Variants in MEI4 observed in about 807,000 individuals in gnomAD.
The protein encoded by MEI4 is meiotic double-stranded break formation protein 4, also known as meiosis-specific protein MEI4.
A neutral mutation model predicts 31.4 loss-of-function variants in MEI4; 27 were observed. The observed-to-expected ratio is 0.86, with a 90% confidence interval of 0.63 to 1.19. The LOEUF (loss-of-function observed/expected upper bound fraction) is 1.19. Ranked by LOEUF, MEI4 falls within the 50% of genes most tolerant of loss-of-function variation. MEI4 has a pLI of 0.00. For missense variants in MEI4, 329 were observed against 398.9 expected (o/e 0.82, Z 1.49); for synonymous variants, 122 against 145.4 (o/e 0.84, Z 1.16).
intron 4 of MEI4, among the ~76,000 whole-genome samples, chr6:77,857,412 C>G (rs1770771680): frequency 6.6e-6 from 1 of 152,126 alleles, no homozygotes; most frequent in Non-Finnish European, 1.5e-5. Flanking sequence ...ATTTCTGTTG[C>G]TTTGATAAAA....
chr6:77,852,545 G>C (rs75899100), intron 4 of MEI4, among the ~76,000 whole-genome samples: 1 of 148,982 alleles, frequency 6.7e-6, no homozygotes, highest in African/African-American at 2.5e-5. Context: ...TTATTTTTTT[G>C]CTTTTTTACT....
At chr6:77,745,952 C>G (rs1004325614) in intron 2 of MEI4, among the ~76,000 whole-genome samples, 3 of 152,132 alleles carry the variant, frequency 2.0e-5, no homozygotes, top group African/African-American at 7.2e-5. Context: ...ACCAGAATCT[C>G]TGGGACACAT....
chr6:77,911,544 A>G (rs1766435038), intron 4 of MEI4, among the ~76,000 whole-genome samples: 1 of 151,738 alleles, frequency 6.6e-6, no homozygotes, highest in African/African-American at 2.4e-5. Context: ...TTCCACTTAT[A>G]TGTGAAAATG....
Position 77,923,307 on chromosome 6 carries a change from T to C in MEI4, c.1119T>C (p.Ile373=). ...LFTFYLWRVG[I]LLSSAQIETL... is the part of the protein sequence containing the mutation. The stretch of plus-strand genomic sequence containing the variant: ...CTTTTTATTTATGGAGAGTGGGCAT[T>C]CTTTTGAGCTCAGCACAGATAGAAA... Residue 373 remains isoleucine (I), a synonymous_variant, in exon 5 of 5, where the codon ATT becomes ATC. Transcript: ENST00000684080. 3 of 1,230,136 alleles carry C rather than the reference T, an allele frequency of 2.4e-6. No homozygotes were observed. Among genetic ancestry groups the C allele is most frequent in the Non-Finnish European group, 1.0e-6 (1 of 986,584 alleles). 76.2% of individuals were successfully genotyped at this position (1,230,136 alleles called of 1,614,324 possible). A position where few individuals can be genotyped will look rare whatever the true frequency, so the allele number is the denominator to read the frequency against.
intron 4 of MEI4, among the ~76,000 whole-genome samples, chr6:77,909,990 C>T (rs1251556816): frequency 6.6e-6 from 1 of 152,036 alleles, no homozygotes; most frequent in Non-Finnish European, 1.5e-5. Context: ...CAGAAAAGGC[C>T]TTTGACAAAA....
rs1485311806 is a variant in MEI4, at chr6:77,849,756, G to A, written c.900+20694G>A. On this transcript the variant is annotated intron_variant, in intron 4 of 4. Transcript: ENST00000684080. ...CCTGGAATGCCAAAGTAGCAACTTA[G>A]TGTGATTCTCTGTAATGGTACTCAA... Among the ~76,000 whole-genome samples the A allele has an allele frequency of 4.6e-5, 7 of 152,120 alleles. No individual in the cohort carries two copies. The East Asian group carries it at 1.2e-3, about 25-fold the overall frequency.
At chr6:77,810,194 G>GTTA (rs1769542249) in intron 3 of MEI4, among the ~76,000 whole-genome samples, 1 of 152,132 alleles carries the variant, frequency 6.6e-6, no homozygotes, top group African/African-American at 2.4e-5. Flanking sequence ...TGACAAGATA[G>GTTA]TTTTAATGAG....
intron 1 of MEI4, among the ~76,000 whole-genome samples, chr6:77,663,580 A>G (rs1391265480): frequency 6.6e-6 from 1 of 152,114 alleles, no homozygotes; most frequent in Non-Finnish European, 1.5e-5. Flanking sequence ...TTAAAAGAGT[A>G]TTGTCTAAGT....
At chr6:77,716,734 G>T (rs939646536) in intron 2 of MEI4, 6 of 221,546 alleles carry the variant, frequency 2.7e-5, no homozygotes, top group Non-Finnish European at 3.8e-5. Context: ...CAAGTGAAGA[G>T]AATGTATATT....
At chr6:77,673,321 T>A (rs2127646428) in intron 1 of MEI4, among the ~76,000 whole-genome samples, 1 of 152,362 alleles carries the variant, frequency 6.6e-6, no homozygotes, top group South Asian at 2.1e-4. Flanking sequence ...GTGTGCCAGG[T>A]ATTATCATAA....
intron 3 of MEI4, among the ~76,000 whole-genome samples, chr6:77,801,459 T>G (rs1002978107): frequency 1.3e-5 from 2 of 152,218 alleles, no homozygotes; most frequent in Admixed American, 1.3e-4. Flanking sequence ...CATTGATTTT[T>G]TGAAGGGTTT....
Position 77,889,529 on chromosome 6 carries a change from A to G in MEI4, c.901-33560A>G, listed in dbSNP as rs115463781. On this transcript the variant is annotated intron_variant, in intron 4 of 4. Transcript: ENST00000684080. ...AGCAGCAAATCATTCAAGAGGTGACAGAGTATAAAAGTTTAGAAAATTTGC... is the reference window on the plus strand; with the variant it reads ...AGCAGCAAATCATTCAAGAGGTGACGGAGTATAAAAGTTTAGAAAATTTGC... 3.2e-3 allele frequency among the ~76,000 whole-genome samples: 486 copies of G among 152,306 alleles called. 2 individuals carry two copies. The highest frequency in any genetic ancestry group is 0.011 in the African/African-American group (467 of 41,572).
chr6:77,704,697 T>G (rs572382602), intron 2 of MEI4, among the ~76,000 whole-genome samples: 1 of 152,194 alleles, frequency 6.6e-6, no homozygotes, highest in Non-Finnish European at 1.5e-5. Flanking sequence ...ATCACTGGTT[T>G]AAACAAAAGT....
chr6:77,902,478 G>T (rs1011529422), intron 4 of MEI4, among the ~76,000 whole-genome samples: 7 of 152,020 alleles, frequency 4.6e-5, no homozygotes, highest in Non-Finnish European at 1.0e-4. Context: ...ATTGTGAATG[G>T]AATTATTCTC....
At chr6:77,823,226 G>A (rs1405408581) in intron 3 of MEI4, among the ~76,000 whole-genome samples, 2 of 151,866 alleles carry the variant, frequency 1.3e-5, no homozygotes, top group African/African-American at 2.4e-5. Flanking sequence ...TATTTTTATA[G>A]TATATATATA....
intron 2 of MEI4, among the ~76,000 whole-genome samples, chr6:77,729,129 G>A (rs1257399381): frequency 6.6e-6 from 1 of 152,192 alleles, no homozygotes; most frequent in East Asian, 1.9e-4. Context: ...AGAGGAAGTA[G>A]GAAGACATTC....
intron 1 of MEI4, among the ~76,000 whole-genome samples, chr6:77,678,861 A>T (rs1434753944): frequency 2.0e-5 from 3 of 152,178 alleles, no homozygotes; most frequent in African/African-American, 7.2e-5. Flanking sequence ...GAGGTTGAAG[A>T]CATTGATATT....
intron 4 of MEI4, among the ~76,000 whole-genome samples, chr6:77,879,278 G>C (rs747243488): frequency 1.7e-4 from 26 of 152,066 alleles, no homozygotes; most frequent in Non-Finnish European, 3.5e-4. Flanking sequence ...TTAACCGCCT[G>C]TTTCTTCATT....
chr6:77,809,504 T>C (rs1340947596), intron 3 of MEI4, among the ~76,000 whole-genome samples: 2 of 152,112 alleles, frequency 1.3e-5, no homozygotes, highest in East Asian at 1.9e-4. Flanking sequence ...ATTTCTCTTA[T>C]ATTTAGATTT....
Sources: allele counts gnomAD v4.1 joint callset (sites outside exome capture counted in the v4.1 genomes callset), GRCh38; gene constraint gnomAD v4.1.1; transcripts MANE v1.5; gene names NCBI Gene and HGNC (gene_info 2026-07-23, HGNC 2026-07-21).